ZNF41: variants seen among roughly 807,000 people sequenced by gnomAD.
The protein encoded by ZNF41 is zinc finger protein 41.
Under a neutral mutation model 9.3 loss-of-function variants are expected in ZNF41, and 6 were observed. The observed-to-expected ratio is 0.65, with a 90% CI of 0.35 to 1.28. ZNF41 has a LOEUF of 1.28. Among genes scored for constraint, ZNF41 ranks in the 50% most tolerant of loss-of-function variants. The pLI is 0.03. For missense variants in ZNF41, 523 were observed against 585.8 expected (o/e 0.89, Z 1.11); for synonymous variants, 192 against 207.1 (o/e 0.93, Z 0.63).
At chrX:47,458,485 A>G (rs2056654420) in intron 2 of ZNF41, among the ~76,000 whole-genome samples, 1 of 111,884 alleles carries the variant, frequency 8.9e-6, no homozygotes, top group South Asian at 3.7e-4. Context: ...ATAACAATAG[A>G]GTAAAGCCCA....
At chrX:47,457,963 CAGT>C (rs2056632841) in intron 2 of ZNF41, among the ~76,000 whole-genome samples, 1 of 112,202 alleles carries the variant, frequency 8.9e-6, no homozygotes, top group African/African-American at 3.2e-5. Flanking sequence ...ACCATGCAGA[CAGT>C]GGTGTTATAT....
At chrX:47,456,962 T>C (rs1399601615) in intron 2 of ZNF41, among the ~76,000 whole-genome samples, 1 of 111,875 alleles carries the variant, frequency 8.9e-6, no homozygotes, top group East Asian at 2.8e-4. Flanking sequence ...GAAAGGAGTC[T>C]GTATAGTATA....
At position 47,447,423 on chromosome X, in the gene ZNF41, G is replaced by C; in HGVS notation, c.*7C>G. On this transcript the variant is annotated 3_prime_UTR_variant, in exon 5 of 5. Coordinates refer to ENST00000684689, the MANE Select transcript of ZNF41 (RefSeq NM_001324144.2). The stretch of plus-strand genomic sequence containing the variant: ...TACCCAGTTGTGATTTCCAGGTGAA[G>C]ACTTTCTCAGTCACTGGCTTTATAG... The C allele has an allele frequency of 4.1e-6, 5 of 1,210,077 alleles. No individual in the cohort carries two copies. The highest frequency in any genetic ancestry group is 5.6e-6 in the Non-Finnish European group (5 of 895,435).
chrX:47,462,944 T>C (rs7885367), intron 2 of ZNF41, among the ~76,000 whole-genome samples: 1,383 of 59,768 alleles, frequency 0.023, 32 homozygotes, highest in African/African-American at 0.068. Context: ...CATATATATA[T>C]ATACACACAC....
At chrX:47,450,627 C>A (rs925201203) in intron 4 of ZNF41, among the ~76,000 whole-genome samples, 1 of 112,168 alleles carries the variant, frequency 8.9e-6, no homozygotes, top group Non-Finnish European at 1.9e-5. Flanking sequence ...CTATTCTCCC[C>A]TTCTTTTACA....
chrX:47,466,017 A>G (rs2056970326), intron 2 of ZNF41, among the ~76,000 whole-genome samples: 1 of 110,791 alleles, frequency 9.0e-6, no homozygotes, highest in Admixed American at 9.7e-5. Flanking sequence ...CTCTGGCCCC[A>G]CACGTATACT....
chrX:47,448,180 C>A lies in ZNF41; in HGVS notation c.1590G>T (p.Lys530Asn). The A allele has an allele frequency of 7.4e-6, 9 of 1,211,757 alleles. No homozygotes were observed. The highest frequency in any genetic ancestry group is 8.9e-6 in the Non-Finnish European group (8 of 895,542). Residue 530 changes from lysine (K) to asparagine (N), a missense_variant, in exon 5 of 5, where the codon AAG (lysine) becomes AAT (asparagine). Transcript: ENST00000684689. ...EKPYMCAECG[K>N]AFTDQSNLIK... ...TGAGATTTGACTGGTCAGTAAAAGC[C>A]TTTCCACATTCAGCACACATATAGG...
chrX:47,446,260 T>C lies in ZNF41; in HGVS notation c.*1170A>G, dbSNP rs1422501352. On this transcript the variant is annotated 3_prime_UTR_variant, in exon 5 of 5. Coordinates refer to ENST00000684689, the MANE Select transcript of ZNF41 (RefSeq NM_001324144.2). The stretch of plus-strand genomic sequence containing the variant: ...CAGTGTTAAAAAAGAGCAGTGCTCT[T>C]TCTTGAGAAGTCTTCCAGTTATTCA... 1 of 111,663 alleles carries C rather than the reference T, an allele frequency of 9.0e-6. No homozygotes were observed. The highest frequency in any genetic ancestry group is 1.9e-5 in the Non-Finnish European group (1 of 53,185). The allele number at this position is 111,663 out of a possible 1,213,427, so 9.2% of individuals were successfully genotyped here. A position where few individuals can be genotyped will look rare whatever the true frequency, so the allele number is the denominator to read the frequency against.
At chrX:47,462,368 C>T (rs1032421113) in intron 2 of ZNF41, among the ~76,000 whole-genome samples, 66 of 110,582 alleles carry the variant, frequency 6.0e-4, no homozygotes, top group African/African-American at 1.7e-3. Flanking sequence ...TCGTTGTTCC[C>T]TCTGACTTTT....
At chrX:47,471,967 T>C (rs1358099993) in intron 1 of ZNF41, among the ~76,000 whole-genome samples, 8 of 111,273 alleles carry the variant, frequency 7.2e-5, no homozygotes, top group Non-Finnish European at 1.5e-4. Context: ...CCACCAGAAA[T>C]TGCCAAAATG....
intron 2 of ZNF41, among the ~76,000 whole-genome samples, chrX:47,461,827 G>T (rs1193619395): frequency 9.0e-6 from 1 of 110,855 alleles, no homozygotes; most frequent in African/African-American, 3.3e-5. Flanking sequence ...TCCCGCCTCA[G>T]CCTCCTTAGT....
rs1033440440 is a variant in ZNF41, at chrX:47,455,990, C to A, written c.226G>T (p.Ala76Ser). 1.7e-6 allele frequency: 2 copies of A among 1,209,869 alleles called. No individual in the cohort carries two copies. The highest frequency in any genetic ancestry group is 2.2e-6 in the Non-Finnish European group (2 of 895,175). Reference sequence around the variant, plus strand: ...CCCTCTCCTTGCTCCAACTTGAAGGCAGCCTCTGACTTGGGAATTTGGTAC... The same window carrying A: ...CCCTCTCCTTGCTCCAACTTGAAGGAAGCCTCTGACTTGGGAATTTGGTAC... ...VGYQIPKSEA[A>S]FKLEQGEGPW... The change falls in exon 4 of 5, where the codon GCC becomes TCC. Residue 76 changes from alanine to serine, a missense_variant. Ala to Ser is a moderately conservative substitution (Grantham distance 99, BLOSUM62 1). Transcript: ENST00000684689.
chrX:47,474,328 A>T (rs1419038346), intron 1 of ZNF41, among the ~76,000 whole-genome samples: 1 of 110,320 alleles, frequency 9.1e-6, no homozygotes, highest in Admixed American at 9.7e-5. Context: ...TTAGCTGGGC[A>T]TGGTGGCAGG....
intron 1 of ZNF41, among the ~76,000 whole-genome samples, chrX:47,477,313 T>G (rs995258539): frequency 9.1e-6 from 1 of 110,243 alleles, no homozygotes; most frequent in Non-Finnish European, 1.9e-5. Flanking sequence ...CCAGCTAGTT[T>G]TTGTATTTTT....
chrX:47,457,710 G>A (rs1044656194), intron 2 of ZNF41, among the ~76,000 whole-genome samples: 1 of 111,922 alleles, frequency 8.9e-6, no homozygotes, highest in African/African-American at 3.2e-5. Context: ...CACGGCGGGT[G>A]TCTGTAATCC....
Position 47,451,626 on chromosome X carries a change from A to T in ZNF41, c.296-2152T>A, listed in dbSNP as rs1385049271. Among the ~76,000 whole-genome samples, 7 of 113,097 alleles carry T rather than the reference A, an allele frequency of 6.2e-5. No homozygotes were observed. The East Asian group carries it at 1.9e-3, about 31-fold the overall frequency. ...CATGTTGGCATGTGCCTGTAATCCC[A>T]GCACTTTGGGAGGCCAAGGCAGGCG... On this transcript the variant is annotated intron_variant, in intron 4 of 4. Transcript: ENST00000684689.
chrX:47,458,962 C>G (rs1862207893), intron 2 of ZNF41, among the ~76,000 whole-genome samples: 1 of 110,676 alleles, frequency 9.0e-6, no homozygotes, highest in African/African-American at 3.3e-5. Flanking sequence ...TGTGGGAGGA[C>G]ATGCTTTACA....
In ZNF41 at chrX:47,448,814, C is replaced by G. The variant is rs1311170908; in HGVS notation, c.956G>C (p.Ser319Thr). 2 of 1,211,596 alleles carry G rather than the reference C, an allele frequency of 1.7e-6. No homozygotes were observed. Among genetic ancestry groups the G allele is most frequent in the Non-Finnish European group, 2.2e-6 (2 of 895,457 alleles). ...ATAGGGTTTTTCTCCTGTATAAACA[C>G]TTGGATGTACATCAACCTGGGGTTT... is the stretch of plus-strand genomic sequence containing the variant. ...PQKPQVDVHP[S>T]VYTGEKPYLC... The change falls in exon 5 of 5, where the codon AGT (serine) becomes ACT (threonine). Residue 319 changes from serine to threonine, a missense_variant. Coordinates refer to ENST00000684689, the MANE Select transcript of ZNF41 (RefSeq NM_001324144.2).
intron 1 of ZNF41, among the ~76,000 whole-genome samples, chrX:47,474,275 T>A (rs1037786596): frequency 1.8e-5 from 2 of 110,863 alleles, no homozygotes; most frequent in African/African-American, 6.6e-5. Flanking sequence ...GAGACCAGCC[T>A]GGCCAACATG....
Sources: allele counts gnomAD v4.1 joint callset (sites outside exome capture counted in the v4.1 genomes callset), GRCh38; gene constraint gnomAD v4.1.1; transcripts MANE v1.5; gene names NCBI Gene and HGNC (gene_info 2026-07-23, HGNC 2026-07-21).